Variants in CACNB2 observed in about 807,000 individuals in gnomAD.
CACNB2 encodes calcium voltage-gated channel auxiliary subunit beta 2.
A neutral mutation model predicts 73.3 loss-of-function variants in CACNB2; 42 were observed. The ratio of observed to expected loss-of-function variants is 0.57; its 90% CI spans 0.45 to 0.74. The LOEUF is 0.74. CACNB2 is among the 30% of genes least tolerant of loss of function. The pLI is 0.00. For missense variants in CACNB2, 940 were observed against 853.0 expected, an observed-to-expected ratio of 1.10 and a Z score of -1.27; for synonymous variants, 348 against 310.3, an observed-to-expected ratio of 1.12 and a Z score of -1.28.
chr10:18,243,209 C>A (rs1300137169), intron 2 of CACNB2, among the ~76,000 whole-genome samples: 1 of 151,514 alleles, frequency 6.6e-6, no homozygotes, highest in Non-Finnish European at 1.5e-5. Flanking sequence ...ACACAAAGTC[C>A]CTAAATTTTA....
chr10:18,336,148 G>C (rs1030422549), intron 2 of CACNB2, among the ~76,000 whole-genome samples: 4 of 152,124 alleles, frequency 2.6e-5, no homozygotes, highest in African/African-American at 9.7e-5. Context: ...AACAAATATA[G>C]ATTGAATACA....
At chr10:18,449,200 C>G (rs932498693) in intron 3 of CACNB2, among the ~76,000 whole-genome samples, 3 of 151,954 alleles carry the variant, frequency 2.0e-5, no homozygotes, top group African/African-American at 7.3e-5. Context: ...CTGGCTAACA[C>G]GGTGAAACCC....
At chr10:18,261,128 A>G (rs933341029) in intron 2 of CACNB2, 26 of 1,527,130 alleles carry the variant, frequency 1.7e-5, no homozygotes, top group Non-Finnish European at 2.2e-5. Context: ...GAAACTACCT[A>G]GGAGGCAGAA....
chr10:18,159,138 A>T (rs1488982755), intron 2 of CACNB2, among the ~76,000 whole-genome samples: 5 of 152,000 alleles, frequency 3.3e-5, no homozygotes. Context: ...AGCATTCCAA[A>T]GTTGAACACC....
At chr10:18,299,913 G>A (rs537267467) in intron 2 of CACNB2, among the ~76,000 whole-genome samples, 1 of 152,194 alleles carries the variant, frequency 6.6e-6, no homozygotes, top group East Asian at 1.9e-4. Flanking sequence ...AGATTTCTTA[G>A]TCTGGCCTTC....
intron 2 of CACNB2, among the ~76,000 whole-genome samples, chr10:18,286,298 C>CCT (rs2038786664): frequency 6.6e-6 from 1 of 152,012 alleles, no homozygotes; most frequent in African/African-American, 2.4e-5. Context: ...GGGCGGATCA[C>CCT]GAGGTCAGGA....
At chr10:18,249,403 C>T (rs10828358) in intron 2 of CACNB2, among the ~76,000 whole-genome samples, 36,579 of 152,058 alleles carry the variant, frequency 0.24, 5,173 homozygotes, top group African/African-American at 0.4. Context: ...AAAAAAATGT[C>T]TTATTCCTGC....
At position 18,539,770 on chromosome 10, in the gene CACNB2, A is replaced by G. The variant is rs746840918; in HGVS notation, c.*46A>G. The stretch of plus-strand genomic sequence containing the variant: ...TTTTTTTTTTTTTTTGAAGTCTTGT[A>G]TAACTAACAGCATCCCCAAAACAAA... On this transcript the variant is annotated 3_prime_UTR_variant, in exon 14 of 14. Coordinates refer to ENST00000324631, the MANE Select transcript of CACNB2 (RefSeq NM_201596.3). 22 of 1,532,710 alleles carry G rather than the reference A, an allele frequency of 1.4e-5. No individual in the cohort carries two copies. The African/African-American group carries it at 2.9e-4, about 20-fold the overall frequency. 94.9% of individuals were successfully genotyped at this position (1,532,710 alleles called of 1,614,324 possible). A position where few individuals can be genotyped will look rare whatever the true frequency, so the allele number is the denominator to read the frequency against.
intron 2 of CACNB2, among the ~76,000 whole-genome samples, chr10:18,264,408 A>G (rs373100033): frequency 3.3e-5 from 5 of 152,240 alleles, no homozygotes; most frequent in East Asian, 3.8e-4. Context: ...CAGAAATTAT[A>G]TAAGCATTGA....
chr10:18,387,650 A>G (rs1031473421), intron 2 of CACNB2, among the ~76,000 whole-genome samples: 1 of 152,198 alleles, frequency 6.6e-6, no homozygotes, highest in African/African-American at 2.4e-5. Context: ...TAATAGTAGA[A>G]GGATCTAGCA....
At chr10:18,196,499 G>A (rs759441399) in intron 2 of CACNB2, among the ~76,000 whole-genome samples, 1 of 151,892 alleles carries the variant, frequency 6.6e-6, no homozygotes, top group Non-Finnish European at 1.5e-5. Context: ...TGAATTTTTT[G>A]TAGAGAAGGG....
chr10:18,496,942 G>A (rs2049866918), intron 3 of CACNB2, among the ~76,000 whole-genome samples: 1 of 151,602 alleles, frequency 6.6e-6, no homozygotes, highest in Admixed American at 6.6e-5. Context: ...CAGGCATGGT[G>A]TCTCGTACCT....
chr10:18,462,494 A>G (rs547633338), intron 3 of CACNB2, among the ~76,000 whole-genome samples: 7 of 152,056 alleles, frequency 4.6e-5, no homozygotes, highest in Admixed American at 1.3e-4. Context: ...GGCTCAAGCT[A>G]TCCTTCCACC....
At chr10:18,476,934 C>T (rs955618668) in intron 3 of CACNB2, among the ~76,000 whole-genome samples, 3 of 151,890 alleles carry the variant, frequency 2.0e-5, no homozygotes, top group Non-Finnish European at 2.9e-5. Context: ...ACAGGAGAAT[C>T]ACTTGAACCC....
Position 18,534,238 on chromosome 10 carries a change from C to T in CACNB2, c.1206+11C>T. 6.2e-7 allele frequency: 1 copy of T among 1,603,810 alleles called. No homozygotes were observed. Among genetic ancestry groups the T allele is most frequent in the Non-Finnish European group, 8.5e-7 (1 of 1,170,720 alleles). On this transcript the variant is annotated intron_variant, in intron 11 of 13. Coordinates refer to ENST00000324631, the MANE Select transcript of CACNB2 (RefSeq NM_201596.3). ...ATTTCTTCTCCTAAGGTAAGTAGGA[C>T]TGCTACTGTTTGCTCTATAATCAAA...
At chr10:18,297,876 C>A (rs1588972362) in intron 2 of CACNB2, among the ~76,000 whole-genome samples, 1 of 152,172 alleles carries the variant, frequency 6.6e-6, no homozygotes, top group Non-Finnish European at 1.5e-5. Context: ...GTGCTTCCTC[C>A]TGGGTTGGGC....
At chr10:18,255,811 A>G (rs2037262322) in intron 2 of CACNB2, among the ~76,000 whole-genome samples, 1 of 152,248 alleles carries the variant, frequency 6.6e-6, no homozygotes, top group South Asian at 2.1e-4. Flanking sequence ...TCGCAGCCAC[A>G]GAAAAGCCAG....
chr10:18,231,632 A>G (rs1482433202), intron 2 of CACNB2, among the ~76,000 whole-genome samples: 1 of 152,200 alleles, frequency 6.6e-6, no homozygotes, highest in Non-Finnish European at 1.5e-5. Context: ...CCTTATAGAA[A>G]CTTGACAGTA....
At chr10:18,291,206 C>T (rs1295555628) in intron 2 of CACNB2, among the ~76,000 whole-genome samples, 3 of 152,216 alleles carry the variant, frequency 2.0e-5, no homozygotes, top group African/African-American at 7.2e-5. Flanking sequence ...TCTTTATCCT[C>T]TGAGCGGCAC....
Sources: gnomAD v4.1 joint callset for allele counts (sites outside exome capture counted in the v4.1 genomes callset) on GRCh38, gnomAD v4.1.1 for gene constraint, MANE v1.5 for transcripts, NCBI Gene and HGNC (gene_info 2026-07-23, HGNC 2026-07-21) for gene names.